The following IPO5 variants were observed in gnomAD, a reference collection of about 807,000 sequenced individuals.
IPO5 encodes the protein importin 5, also known as importin-5.
A neutral mutation model predicts 143.3 loss-of-function variants in IPO5; 18 were observed. The observed-to-expected ratio is 0.13, with a 90% confidence interval of 0.09 to 0.19. The LOEUF (loss-of-function observed/expected upper bound fraction) is 0.19. IPO5 is among the 10% of genes least tolerant of loss of function. The pLI is 1.00. For synonymous variants in IPO5, 477 were observed against 465.7 expected, an observed-to-expected ratio of 1.02 and a Z score of -0.31; for missense variants, 1,013 against 1,336.9, an observed-to-expected ratio of 0.76 and a Z score of 3.78.
At chr13:98,005,510 A>C (rs187543051) in intron 16 of IPO5, among the ~76,000 whole-genome samples, 3 of 151,878 alleles carry the variant, frequency 2.0e-5, no homozygotes. Context: ...TTACAGAAGA[A>C]TTATTTTAAA....
At chr13:98,021,409 A>G (rs76981664) in intron 28 of IPO5, 1 of 350,544 alleles carries the variant, frequency 2.9e-6, no homozygotes, top group South Asian at 1.2e-4. Context: ...CTATCTTAAG[A>G]AAAAAAAACA....
At chr13:98,011,268 T>TG (rs1284148606) in intron 20 of IPO5, among the ~76,000 whole-genome samples, 6 of 151,920 alleles carry the variant, frequency 3.9e-5, no homozygotes, top group African/African-American at 1.2e-4. Flanking sequence ...ATTGGGTTTT[T>TG]GGGGTTTTTT....
chr13:98,012,953 C>T (rs2039859215), intron 21 of IPO5, among the ~76,000 whole-genome samples: 1 of 152,036 alleles, frequency 6.6e-6, no homozygotes, highest in African/African-American at 2.4e-5. Context: ...CAAGACCTGT[C>T]TTAATAGATT....
chr13:97,961,890 A>G (rs1443617515), intron 2 of IPO5, among the ~76,000 whole-genome samples: 2 of 151,996 alleles, frequency 1.3e-5, no homozygotes, highest in Non-Finnish European at 2.9e-5. Flanking sequence ...GCACTTTGGG[A>G]GACCAAAGTG....
At chr13:98,004,726 G>A (rs1053418885) in intron 16 of IPO5, among the ~76,000 whole-genome samples, 17 of 152,068 alleles carry the variant, frequency 1.1e-4, no homozygotes, top group Non-Finnish European at 1.8e-4. Flanking sequence ...AGAGGTTGAG[G>A]TACAGAAGCA....
At chr13:98,007,108 A>G (rs1213709644) in intron 17 of IPO5, among the ~76,000 whole-genome samples, 1 of 151,844 alleles carries the variant, frequency 6.6e-6, no homozygotes, top group Non-Finnish European at 1.5e-5. Flanking sequence ...CCTGACCTCA[A>G]GCAGTCTGCT....
intron 5 of IPO5, among the ~76,000 whole-genome samples, chr13:97,983,304 A>T (rs1022463470): frequency 2.0e-5 from 3 of 152,210 alleles, no homozygotes; most frequent in Non-Finnish European, 4.4e-5. Flanking sequence ...TTAAAAATTT[A>T]TGCTTATAAC....
intron 3 of IPO5, among the ~76,000 whole-genome samples, chr13:97,970,414 T>C (rs1885720727): frequency 6.6e-6 from 1 of 150,650 alleles, no homozygotes; most frequent in African/African-American, 2.4e-5. Flanking sequence ...AGGTCAGGAG[T>C]TCGAGACAAG....
chr13:97,984,811 G>A (rs1013557311), intron 5 of IPO5, among the ~76,000 whole-genome samples: 1 of 152,064 alleles, frequency 6.6e-6, no homozygotes, highest in African/African-American at 2.4e-5. Context: ...AATGGCATTT[G>A]TCTTAGCTTT....
chr13:97,998,951 T>C (rs1203348793), intron 12 of IPO5, among the ~76,000 whole-genome samples: 1 of 152,152 alleles, frequency 6.6e-6, no homozygotes, highest in African/African-American at 2.4e-5. Flanking sequence ...GAGACCAGCC[T>C]GACCAACATG....
In IPO5 at chr13:98,002,759, A is replaced by G; in HGVS notation, c.1309A>G (p.Lys437Glu). ...AGATTTTGCACCTGGTTTCCAAAAG[A>G]AATTTCATGAGAAGGTAAGTAACAA... Reference protein sequence around the residue: ...ATDFAPGFQKKFHEKVIAALL... With the variant: ...ATDFAPGFQKEFHEKVIAALL... Residue 437 changes from lysine to glutamate, a missense_variant, in exon 15 of 29, where the codon AAA (lysine) becomes GAA (glutamate). Lys to Glu is a moderately conservative substitution (Grantham distance 56, BLOSUM62 1). This residue lies in a region of IPO5 where 685 missense variants were observed against 994.9 expected (regional missense o/e 0.69). Coordinates refer to ENST00000651721, the MANE Select transcript of IPO5 (RefSeq NM_002271.6). The G allele has an allele frequency of 6.2e-7, 1 of 1,611,696 alleles. No homozygotes were observed.
At chr13:97,980,826 C>CA (rs374921610) in intron 4 of IPO5, among the ~76,000 whole-genome samples, 51,761 of 108,502 alleles carry the variant, frequency 0.48, 10,844 homozygotes, top group Non-Finnish European at 0.55. Context: ...GACTCTATCT[C>CA]AAAAAAAAAA....
At chr13:97,988,035 C>A in intron 6 of IPO5, 1 of 270,398 alleles carries the variant, frequency 3.7e-6, no homozygotes, top group Non-Finnish European at 8.2e-6. Flanking sequence ...CTTAGCAGCA[C>A]AATTGTCATT....
chr13:97,959,475 A>T (rs1217135154), intron 2 of IPO5, among the ~76,000 whole-genome samples: 1 of 152,016 alleles, frequency 6.6e-6, no homozygotes, highest in Non-Finnish European at 1.5e-5. Flanking sequence ...CACGCCTATA[A>T]TCCCAGCACT....
chr13:98,010,501 A>G (rs1302237146), intron 20 of IPO5, among the ~76,000 whole-genome samples: 2 of 152,190 alleles, frequency 1.3e-5, no homozygotes, highest in Non-Finnish European at 2.9e-5. Flanking sequence ...CAAAAAGTTT[A>G]TAAGCTACAT....
intron 25 of IPO5, 151 bp from the exon 26 acceptor site, chr13:98,018,334 G>C: frequency 1.6e-6 from 1 of 609,644 alleles, no homozygotes; most frequent in South Asian, 2.2e-5. Context: ...ATTGAATATC[G>C]TTGGTCACAA....
intron 3 of IPO5, among the ~76,000 whole-genome samples, chr13:97,971,334 T>C (rs1399588092): frequency 6.6e-6 from 1 of 152,214 alleles, no homozygotes; most frequent in Admixed American, 6.5e-5. Context: ...ACTGACTGTA[T>C]GTAACAGACT....
At chr13:98,010,358 C>A in intron 20 of IPO5, 134 bp downstream of exon 20, 1 of 823,546 alleles carries the variant, frequency 1.2e-6, no homozygotes, top group Non-Finnish European at 1.8e-6. Context: ...AGTTTTCTTT[C>A]CATTTTAAAG....
chr13:97,958,846 T>A (rs966011277), intron 2 of IPO5, among the ~76,000 whole-genome samples: 1 of 134,652 alleles, frequency 7.4e-6, no homozygotes, highest in African/African-American at 2.8e-5. Flanking sequence ...TTCTTAACCC[T>A]CCACTAGATT....
Sources: gnomAD v4.1 joint callset for allele counts (sites outside exome capture counted in the v4.1 genomes callset) on GRCh38, gnomAD v4.1.1 for gene constraint, gnomAD v4.1.1 regional missense constraint, MANE v1.5 for transcripts, NCBI Gene and HGNC (gene_info 2026-07-23, HGNC 2026-07-21) for gene names.